The following TPH2 variants were observed in gnomAD, a reference collection of about 807,000 sequenced individuals.
The protein encoded by TPH2 is tryptophan hydroxylase 2.
TPH2 carries 27 observed loss-of-function variants against 59.1 expected under a neutral mutation model. That is an observed-to-expected ratio of 0.46 (90% CI 0.34 to 0.63). The LOEUF is 0.63. Among genes scored for constraint, TPH2 ranks in the 30% least tolerant of loss-of-function variants. The pLI, the probability that TPH2 is intolerant of heterozygous loss-of-function variation, is 0.01. For missense variants in TPH2, 523 were observed against 588.3 expected, an observed-to-expected ratio of 0.89 and a Z score of 1.15; for synonymous variants, 220 against 210.5, an observed-to-expected ratio of 1.05 and a Z score of -0.39.
At chr12:71,944,774 T>C in intron 4 of TPH2, 88 bp downstream of exon 4, 1 of 1,172,688 alleles carries the variant, frequency 8.5e-7, no homozygotes, top group Non-Finnish European at 1.3e-6. Context: ...GCTGCAATGC[T>C]TTATTATAGA....
intron 7 of TPH2, among the ~76,000 whole-genome samples, chr12:71,984,075 CAA>C (rs1352210384): frequency 1.3e-5 from 2 of 152,168 alleles, no homozygotes; most frequent in African/African-American, 4.8e-5. Context: ...AATCAAAGAG[CAA>C]ACTTTCAGCA....
chr12:72,015,749 AGACT>A (rs1218689888), intron 8 of TPH2, among the ~76,000 whole-genome samples: 3 of 152,120 alleles, frequency 2.0e-5, no homozygotes, highest in African/African-American at 7.2e-5. Context: ...GATGCTTGCT[AGACT>A]TGCATCTGAA....
chr12:71,977,079 T>C (rs577522978), intron 6 of TPH2, among the ~76,000 whole-genome samples: 1 of 152,150 alleles, frequency 6.6e-6, no homozygotes, highest in East Asian at 1.9e-4. Context: ...TAGATAAGAG[T>C]CTTGCTCTGT....
chr12:72,015,010 T>C (rs764515133), intron 8 of TPH2, among the ~76,000 whole-genome samples: 6 of 152,168 alleles, frequency 3.9e-5, no homozygotes, highest in Non-Finnish European at 5.9e-5. Flanking sequence ...CATTCTTATT[T>C]CAGTACTATT....
intron 5 of TPH2, among the ~76,000 whole-genome samples, chr12:71,970,565 CT>C (rs1355364407): frequency 6.6e-6 from 1 of 152,214 alleles, no homozygotes; most frequent in Non-Finnish European, 1.5e-5. Flanking sequence ...GCTTTCCTAC[CT>C]TCTGATCATG....
chr12:71,996,736 G>T (rs1872703233), intron 8 of TPH2, among the ~76,000 whole-genome samples: 1 of 152,288 alleles, frequency 6.6e-6, no homozygotes, highest in Non-Finnish European at 1.5e-5. Flanking sequence ...AATAAGGCAG[G>T]AGTTTATGGA....
chr12:71,962,562 A>G (rs61926466), intron 5 of TPH2: 127 of 985,202 alleles, frequency 1.3e-4, no homozygotes, highest in Non-Finnish European at 1.4e-4. Flanking sequence ...TACAATCCTG[A>G]ATCTTTGCTT....
intron 7 of TPH2, among the ~76,000 whole-genome samples, chr12:71,984,861 G>A (rs1405199422): frequency 6.6e-6 from 1 of 152,178 alleles, no homozygotes; most frequent in African/African-American, 2.4e-5. Flanking sequence ...TCTCCCTTAG[G>A]AGAAGTCCGG....
Position 72,023,429 on chromosome 12 carries a change from C to CTTCATTCATTCA in TPH2, c.1164+951_1164+962dup, listed in dbSNP as rs137875266. On this transcript the variant is annotated intron_variant, in intron 9 of 10. Coordinates refer to ENST00000333850, the MANE Select transcript of TPH2 (RefSeq NM_173353.4). ...TTTATTGAGTCTGGTCATTTTATGA[C>CTTCATTCATTCA]TTCATTCATTCATTCATTCATTCAT... Among the ~76,000 whole-genome samples, 110 of 151,984 alleles carry CTTCATTCATTCA rather than the reference C, an allele frequency of 7.2e-4. No individual in the cohort carries two copies. The Middle Eastern group carries it at 0.01, about 14-fold the overall frequency.
intron 9 of TPH2, among the ~76,000 whole-genome samples, chr12:72,029,094 G>C (rs772393424): frequency 3.9e-5 from 6 of 152,162 alleles, no homozygotes; most frequent in Non-Finnish European, 7.4e-5. Flanking sequence ...CACACCTCTG[G>C]AGGCATCCTC....
chr12:71,958,200 C>T (rs1871566399), intron 5 of TPH2, among the ~76,000 whole-genome samples: 1 of 152,144 alleles, frequency 6.6e-6, no homozygotes. Context: ...AAGAGCAGAA[C>T]TGAAGCAAAT....
At position 72,031,766 on chromosome 12, in the gene TPH2, C is replaced by T. The variant is rs79136074; in HGVS notation, c.*71C>T. 464 of 1,561,356 alleles carry T rather than the reference C, an allele frequency of 3.0e-4. No individual in the cohort carries two copies. The African/African-American group carries it at 4.2e-3, about 14-fold the overall frequency. Reference sequence around the variant, plus strand: ...CAGCAGTTCAGTCAATGTCATATAACGCAAATAACCTTCTGTGTCATGGCT... The same window carrying T: ...CAGCAGTTCAGTCAATGTCATATAATGCAAATAACCTTCTGTGTCATGGCT... On this transcript the variant is annotated 3_prime_UTR_variant, in exon 11 of 11. Coordinates refer to ENST00000333850, the MANE Select transcript of TPH2 (RefSeq NM_173353.4).
At chr12:71,960,180 A>G (rs1871638969) in intron 5 of TPH2, among the ~76,000 whole-genome samples, 1 of 152,238 alleles carries the variant, frequency 6.6e-6, no homozygotes, top group South Asian at 2.1e-4. Flanking sequence ...GTCATTTCCC[A>G]GATGAATAGG....
intron 8 of TPH2, among the ~76,000 whole-genome samples, chr12:71,998,501 GA>G (rs1336942489): frequency 1.3e-5 from 2 of 151,640 alleles, no homozygotes; most frequent in East Asian, 1.9e-4. Flanking sequence ...AGATAGTCTT[GA>G]AAAAAAACCC....
intron 4 of TPH2, among the ~76,000 whole-genome samples, chr12:71,947,093 C>A (rs746020385): frequency 1.1e-4 from 17 of 152,068 alleles, no homozygotes; most frequent in Non-Finnish European, 1.5e-4. Flanking sequence ...CAGGGATGGC[C>A]CAGGAATCTG....
intron 9 of TPH2, among the ~76,000 whole-genome samples, chr12:72,023,378 A>G (rs536456984): frequency 2.0e-5 from 3 of 152,234 alleles, no homozygotes; most frequent in Non-Finnish European, 2.9e-5. Context: ...CATTTGCATT[A>G]TTGAAAGATG....
At chr12:72,005,267 T>TA (rs1487960590) in intron 8 of TPH2, among the ~76,000 whole-genome samples, 2 of 152,006 alleles carry the variant, frequency 1.3e-5, no homozygotes, top group Admixed American at 6.6e-5. Context: ...AGAACGTCCA[T>TA]AAAAAATCAT....
intron 8 of TPH2, among the ~76,000 whole-genome samples, chr12:72,020,217 C>T (rs1296927414): frequency 6.6e-5 from 10 of 152,136 alleles, no homozygotes; most frequent in South Asian, 2.1e-4. Flanking sequence ...AACATCCTAC[C>T]ATGTACAGGA....
intron 7 of TPH2, among the ~76,000 whole-genome samples, chr12:71,988,804 A>G (rs1413302737): frequency 1.3e-5 from 2 of 152,170 alleles, no homozygotes; most frequent in Non-Finnish European, 2.9e-5. Flanking sequence ...CTTTTTATGC[A>G]TCAGGAAAGT....
Sources: allele counts gnomAD v4.1 joint callset (sites outside exome capture counted in the v4.1 genomes callset), GRCh38; gene constraint gnomAD v4.1.1; transcripts MANE v1.5; gene names NCBI Gene and HGNC (gene_info 2026-07-23, HGNC 2026-07-21).